EPHA3: variants seen among roughly 807,000 people sequenced by gnomAD.
The protein encoded by EPHA3 is EPH receptor A3.
Under a neutral mutation model 107.1 loss-of-function variants are expected in EPHA3, and 42 were observed. That is an observed-to-expected ratio of 0.39 (90% CI 0.31 to 0.51). The LOEUF is 0.51. Ranked by LOEUF, EPHA3 falls within the 20% of genes least tolerant of loss-of-function variation. The pLI, the probability that EPHA3 is intolerant of heterozygous loss-of-function variation, is 0.78. For missense variants in EPHA3, 1,183 were observed against 1,211.2 expected (o/e 0.98, Z 0.35); for synonymous variants, 461 against 424.8 (o/e 1.09, Z -1.05).
At chr3:89,423,289 G>T (rs1372341326) in intron 11 of EPHA3, among the ~76,000 whole-genome samples, 47 of 151,496 alleles carry the variant, frequency 3.1e-4, no homozygotes, top group African/African-American at 1.1e-3. Context: ...GTAGTGGCAT[G>T]AGTATCCACT....
chr3:89,130,052 G>A (rs1356366674), intron 2 of EPHA3, among the ~76,000 whole-genome samples: 3 of 152,100 alleles, frequency 2.0e-5, no homozygotes, highest in African/African-American at 7.2e-5. Context: ...AACAGGTTGA[G>A]CGAGTAAGGG....
intron 5 of EPHA3, among the ~76,000 whole-genome samples, chr3:89,344,130 G>A (rs1707591504): frequency 6.6e-6 from 1 of 152,112 alleles, no homozygotes; most frequent in South Asian, 2.1e-4. Flanking sequence ...TATCTCTTAA[G>A]TCAAACAGAA....
Position 89,308,831 on chromosome 3 carries a change from G to A in EPHA3, c.815-32085G>A, listed in dbSNP as rs1706694311. Among the ~76,000 whole-genome samples the A allele has an allele frequency of 2.0e-5, 3 of 152,038 alleles. No individual in the cohort carries two copies. In the South Asian group the frequency reaches 6.2e-4, roughly 31 times the overall value. On this transcript the variant is annotated intron_variant, in intron 3 of 16. Transcript: ENST00000336596. ...CTTTTGTAGATAACATTGAATTAACGAAGAAGATTCATACTGAATGCATAT... is the reference window on the plus strand; with the variant it reads ...CTTTTGTAGATAACATTGAATTAACAAAGAAGATTCATACTGAATGCATAT...
intron 11 of EPHA3, among the ~76,000 whole-genome samples, chr3:89,420,362 G>T (rs771635804): frequency 3.1e-4 from 47 of 151,300 alleles, no homozygotes; most frequent in Admixed American, 2.0e-4. Context: ...GACTAAAAAG[G>T]CATTTCCTTC....
chr3:89,379,293 T>A (rs2107481891), intron 5 of EPHA3, among the ~76,000 whole-genome samples: 1 of 152,278 alleles, frequency 6.6e-6, no homozygotes, highest in African/African-American at 2.4e-5. Context: ...AATGCAAATT[T>A]TACAGCCAAA....
chr3:89,139,906 G>A (rs1241867516), intron 2 of EPHA3, among the ~76,000 whole-genome samples: 2 of 151,740 alleles, frequency 1.3e-5, no homozygotes, highest in Non-Finnish European at 2.9e-5. Flanking sequence ...TACTTCAACC[G>A]AGTGTCATGC....
intron 3 of EPHA3, among the ~76,000 whole-genome samples, chr3:89,249,418 T>A (rs1705110357): frequency 6.6e-6 from 1 of 152,170 alleles, no homozygotes; most frequent in Non-Finnish European, 1.5e-5. Context: ...CGTTATTAGC[T>A]TCTGATCAAG....
At chr3:89,335,557 G>T (rs755232179) in intron 3 of EPHA3, among the ~76,000 whole-genome samples, 3 of 152,072 alleles carry the variant, frequency 2.0e-5, no homozygotes, top group Non-Finnish European at 4.4e-5. Context: ...AATACAATTC[G>T]TAGCAAATCC....
intron 2 of EPHA3, among the ~76,000 whole-genome samples, chr3:89,159,931 T>C (rs1704893192): frequency 6.6e-6 from 1 of 152,012 alleles, no homozygotes; most frequent in African/African-American, 2.4e-5. Context: ...CTTCCTTCCT[T>C]CCTCCCTTCC....
chr3:89,301,904 T>A (rs1415190484), intron 3 of EPHA3, among the ~76,000 whole-genome samples: 3 of 152,046 alleles, frequency 2.0e-5, no homozygotes, highest in Non-Finnish European at 4.4e-5. Flanking sequence ...CTGAAACCAA[T>A]GTGATATGGC....
chr3:89,205,097 G>A (rs1337543926), intron 2 of EPHA3, among the ~76,000 whole-genome samples: 24 of 152,118 alleles, frequency 1.6e-4, no homozygotes, highest in Non-Finnish European at 3.1e-4. Flanking sequence ...GGTAAATCAT[G>A]ACTATCTTGC....
intron 2 of EPHA3, among the ~76,000 whole-genome samples, chr3:89,194,910 G>C (rs1328309433): frequency 6.6e-6 from 1 of 151,988 alleles, no homozygotes; most frequent in Non-Finnish European, 1.5e-5. Flanking sequence ...TTTCAATATG[G>C]ATGTTGGAAA....
At chr3:89,414,701 G>A (rs1360196997) in intron 10 of EPHA3, among the ~76,000 whole-genome samples, 1 of 151,634 alleles carries the variant, frequency 6.6e-6, no homozygotes. Flanking sequence ...ACATTATTAT[G>A]ATGTTGAAAT....
intron 13 of EPHA3, among the ~76,000 whole-genome samples, chr3:89,438,391 G>A (rs530031799): frequency 2.0e-5 from 3 of 152,112 alleles, no homozygotes; most frequent in Non-Finnish European, 4.4e-5. Context: ...GATTACAGGT[G>A]TGAGCCACCG....
chr3:89,143,644 C>T (rs1456476116), intron 2 of EPHA3, among the ~76,000 whole-genome samples: 1 of 151,466 alleles, frequency 6.6e-6, no homozygotes, highest in Non-Finnish European at 1.5e-5. Context: ...TACAGAGTTG[C>T]CATTCTCTCC....
At chr3:89,329,468 A>C (rs1009611494) in intron 3 of EPHA3, among the ~76,000 whole-genome samples, 4 of 152,098 alleles carry the variant, frequency 2.6e-5, no homozygotes, top group African/African-American at 9.7e-5. Context: ...TTTGCCAACT[A>C]TAAGCAATCC....
intron 5 of EPHA3, among the ~76,000 whole-genome samples, chr3:89,354,952 A>T (rs1295804198): frequency 6.6e-6 from 1 of 151,128 alleles, no homozygotes; most frequent in Admixed American, 6.6e-5. Context: ...TGCCTGGTAC[A>T]CAGGTGGTGT....
chr3:89,124,352 A>C (rs1704043466), intron 1 of EPHA3, among the ~76,000 whole-genome samples: 1 of 152,130 alleles, frequency 6.6e-6, no homozygotes, highest in Admixed American at 6.5e-5. Flanking sequence ...TACCTCAATT[A>C]TGCTGTATAC....
At chr3:89,203,168 T>C (rs1051517187) in intron 2 of EPHA3, among the ~76,000 whole-genome samples, 4 of 151,936 alleles carry the variant, frequency 2.6e-5, no homozygotes, top group Non-Finnish European at 5.9e-5. Flanking sequence ...AAAAGTCCAG[T>C]TGGCCAAGGG....
Sources: gnomAD v4.1 joint callset for allele counts (sites outside exome capture counted in the v4.1 genomes callset) on GRCh38, gnomAD v4.1.1 for gene constraint, MANE v1.5 for transcripts, NCBI Gene and HGNC (gene_info 2026-07-23, HGNC 2026-07-21) for gene names.